Variants in PDE10A observed in about 807,000 individuals in gnomAD.
PDE10A encodes phosphodiesterase 10A.
In PDE10A, 39 loss-of-function variants were observed where a neutral mutation model predicts 97.7. That is an observed-to-expected ratio of 0.40 (90% CI 0.31 to 0.52). The LOEUF is 0.52. PDE10A is among the 20% of genes least tolerant of loss of function. PDE10A has a pLI of 0.56. For synonymous variants in PDE10A, 371 were observed against 376.8 expected (o/e 0.98, Z 0.18); for missense variants, 731 against 1,047.8 (o/e 0.70, Z 4.17).
intron 1 of PDE10A, among the ~76,000 whole-genome samples, chr6:165,823,503 T>A (rs1779634643): frequency 2.4e-5 from 3 of 125,770 alleles, no homozygotes; most frequent in Non-Finnish European, 3.3e-5. Context: ...TATATATATA[T>A]ATATATATAT....
intron 5 of PDE10A, among the ~76,000 whole-genome samples, chr6:165,443,418 C>G (rs1475753258): frequency 1.3e-5 from 2 of 152,192 alleles, no homozygotes; most frequent in African/African-American, 4.8e-5. Flanking sequence ...AGTCCACAGC[C>G]ACAGCTCTGC....
chr6:165,337,300 C>T (rs890702261), intron 20 of PDE10A, among the ~76,000 whole-genome samples: 4 of 152,100 alleles, frequency 2.6e-5, no homozygotes, highest in African/African-American at 4.8e-5. Context: ...GCATCATGTA[C>T]GAGACAAATA....
rs1779663030 is a variant in PDE10A at position 165,482,476 on chromosome 6, T to A, written c.995-133A>T. The A allele has an allele frequency of 8.4e-6, 6 of 717,498 alleles. No homozygotes were observed. The East Asian group carries it at 1.5e-4, about 18-fold the overall frequency. 44.4% of individuals were successfully genotyped at this position (717,498 alleles called of 1,614,324 possible). On this transcript the variant is annotated intron_variant, in intron 2 of 21. Transcript: ENST00000539869. ...GCTTCCTCTTACGAAATCTATGAATTTGATTTTTTAAACTGTAAAGGTTGA... is the reference window on the plus strand; with the variant it reads ...GCTTCCTCTTACGAAATCTATGAATATGATTTTTTAAACTGTAAAGGTTGA...
At chr6:165,403,439 C>T (rs149150715) in intron 13 of PDE10A, among the ~76,000 whole-genome samples, 9 of 152,152 alleles carry the variant, frequency 5.9e-5, no homozygotes, top group African/African-American at 2.2e-4. Context: ...AAATCAGGAC[C>T]CTTCTGTTTT....
intron 18 of PDE10A, among the ~76,000 whole-genome samples, chr6:165,352,721 C>T (rs1782771991): frequency 6.7e-6 from 1 of 149,922 alleles, no homozygotes; most frequent in Admixed American, 6.6e-5. Context: ...TGGATCACAA[C>T]CTTAAATATA....
chr6:165,797,525 AT>A (rs1778863066), intron 1 of PDE10A, among the ~76,000 whole-genome samples: 1 of 152,228 alleles, frequency 6.6e-6, no homozygotes, highest in Non-Finnish European at 1.5e-5. Context: ...AGGACTTGAA[AT>A]AATCGTCATT....
intron 1 of PDE10A, among the ~76,000 whole-genome samples, chr6:165,885,315 G>A (rs553786862): frequency 5.4e-4 from 83 of 152,304 alleles, no homozygotes; most frequent in African/African-American, 2.0e-3. Context: ...GGGGAAGTGG[G>A]CACCTTCTTC....
At chr6:165,872,097 G>A (rs571510528) in intron 1 of PDE10A, among the ~76,000 whole-genome samples, 16 of 152,254 alleles carry the variant, frequency 1.1e-4, no homozygotes, top group East Asian at 7.7e-4. Context: ...TCAATTGAGG[G>A]TGGCCACAGA....
chr6:165,435,594 T>A (rs569614770), intron 5 of PDE10A, among the ~76,000 whole-genome samples: 1 of 152,184 alleles, frequency 6.6e-6, no homozygotes, highest in Non-Finnish European at 1.5e-5. Flanking sequence ...AATTTAAAAC[T>A]TAAATGAATG....
chr6:165,599,562 G>C (rs917601773), intron 1 of PDE10A, among the ~76,000 whole-genome samples: 2 of 152,152 alleles, frequency 1.3e-5, no homozygotes, highest in African/African-American at 4.8e-5. Flanking sequence ...AAAATATAAG[G>C]TATGCCTCAA....
chr6:165,936,707 T>C (rs1783342431), intron 1 of PDE10A, among the ~76,000 whole-genome samples: 2 of 152,172 alleles, frequency 1.3e-5, no homozygotes, highest in Admixed American at 1.3e-4. Flanking sequence ...ATTCTTAAAT[T>C]TTAATGTAGG....
At chr6:165,377,256 T>C (rs1784662820) in intron 18 of PDE10A, among the ~76,000 whole-genome samples, 1 of 152,042 alleles carries the variant, frequency 6.6e-6, no homozygotes. Context: ...ACATACTGTA[T>C]GCACACACGC....
chr6:165,620,333 G>A (rs929521327), intron 1 of PDE10A, among the ~76,000 whole-genome samples: 2 of 152,136 alleles, frequency 1.3e-5, no homozygotes, highest in South Asian at 2.1e-4. Context: ...GATGATGGGG[G>A]GGTAGAAATG....
At chr6:165,660,517 G>C (rs970693483) in intron 1 of PDE10A, 1 of 152,378 alleles carries the variant, frequency 6.6e-6, no homozygotes, top group Admixed American at 6.5e-5. Flanking sequence ...GCCCGTGCCC[G>C]GGAAGCGGGG....
intron 13 of PDE10A, among the ~76,000 whole-genome samples, chr6:165,403,818 C>A (rs934056878): frequency 6.6e-6 from 1 of 152,154 alleles, no homozygotes; most frequent in Non-Finnish European, 1.5e-5. Context: ...GTGAGTCAGA[C>A]GTGTGATATT....
At chr6:165,616,541 A>G (rs1396895418) in intron 1 of PDE10A, among the ~76,000 whole-genome samples, 1 of 152,202 alleles carries the variant, frequency 6.6e-6, no homozygotes, top group Non-Finnish European at 1.5e-5. Flanking sequence ...TGTTAGTCAG[A>G]TTAAACAATG....
rs573183882 is a variant in PDE10A, at chr6:165,330,024, T to G, written c.*3001A>C. ...CAATTCACATTGCCCGAATTCAATA[T>G]TCCATGTTATTGGCAGGCATTTATG... is the stretch of plus-strand genomic sequence containing the variant. On this transcript the variant is annotated 3_prime_UTR_variant, in exon 22 of 22. Coordinates refer to ENST00000539869, the MANE Select transcript of PDE10A (RefSeq NM_001385079.1). 2.6e-5 allele frequency: 4 copies of G among 152,342 alleles called. No homozygotes were observed. In the South Asian group the frequency reaches 8.3e-4, roughly 32 times the overall value. The allele number at this position is 152,342 out of a possible 1,614,324, so 9.4% of individuals were successfully genotyped here.
intron 13 of PDE10A, among the ~76,000 whole-genome samples, chr6:165,408,741 G>A (rs1787430625): frequency 1.3e-5 from 2 of 152,140 alleles, no homozygotes; most frequent in African/African-American, 4.8e-5. Context: ...CAGACTGGAA[G>A]GCCAGGGAGA....
chr6:165,739,527 G>A (rs1335745616), intron 1 of PDE10A, among the ~76,000 whole-genome samples: 1 of 151,872 alleles, frequency 6.6e-6, no homozygotes, highest in Non-Finnish European at 1.5e-5. Context: ...ATCTGAAGCT[G>A]TGAAAATGCT....
Sources: gnomAD v4.1 joint callset for allele counts (sites outside exome capture counted in the v4.1 genomes callset) on GRCh38, gnomAD v4.1.1 for gene constraint, MANE v1.5 for transcripts, NCBI Gene and HGNC (gene_info 2026-07-23, HGNC 2026-07-21) for gene names.